MARCHF3: variants seen among roughly 807,000 people sequenced by gnomAD.
MARCHF3 encodes E3 ubiquitin-protein ligase MARCHF3.
Under a neutral mutation model 24.2 loss-of-function variants are expected in MARCHF3, and 13 were observed. The ratio of observed to expected loss-of-function variants is 0.54; its 90% confidence interval spans 0.35 to 0.85. The LOEUF (loss-of-function observed/expected upper bound fraction) is 0.85. Among genes scored for constraint, MARCHF3 ranks in the 40% least tolerant of loss-of-function variants. The pLI is 0.01. For missense variants in MARCHF3, 276 were observed against 325.0 expected, an observed-to-expected ratio of 0.85 and a Z score of 1.16; for synonymous variants, 144 against 137.3, an observed-to-expected ratio of 1.05 and a Z score of -0.34.
intron 1 of MARCHF3, among the ~76,000 whole-genome samples, chr5:126,969,197 A>G (rs1388688982): frequency 6.6e-6 from 1 of 152,188 alleles, no homozygotes; most frequent in Non-Finnish European, 1.5e-5. Flanking sequence ...TAATTTTAGA[A>G]AGTAAGAGTG....
At chr5:126,951,853 AT>A (rs111789958) in intron 1 of MARCHF3, among the ~76,000 whole-genome samples, 14,183 of 149,186 alleles carry the variant, frequency 0.095, 1,479 homozygotes, top group African/African-American at 0.26. Context: ...GTAGGTGTTT[AT>A]TTTTTTTTTG....
intron 1 of MARCHF3, among the ~76,000 whole-genome samples, chr5:127,012,684 T>C (rs1224455171): frequency 6.6e-6 from 1 of 152,132 alleles, no homozygotes; most frequent in Non-Finnish European, 1.5e-5. Context: ...CACAATAAGA[T>C]TGCAAATACC....
chr5:126,934,402 A>G (rs1271170851), intron 1 of MARCHF3, among the ~76,000 whole-genome samples: 6 of 152,098 alleles, frequency 3.9e-5, no homozygotes, highest in African/African-American at 1.4e-4. Flanking sequence ...TAAGCAGTCC[A>G]GTATTAACTG....
At chr5:126,917,742 C>T (rs1748932545) in intron 2 of MARCHF3, among the ~76,000 whole-genome samples, 2 of 152,164 alleles carry the variant, frequency 1.3e-5, no homozygotes, top group African/African-American at 2.4e-5. Context: ...GTTCCTTCCC[C>T]TCCTGGCTCT....
chr5:126,888,408 A>G (rs185002181), intron 3 of MARCHF3, among the ~76,000 whole-genome samples: 63 of 152,376 alleles, frequency 4.1e-4, no homozygotes, highest in Non-Finnish European at 5.4e-4. Flanking sequence ...AATGCTACAC[A>G]CACTCACACC....
intron 1 of MARCHF3, among the ~76,000 whole-genome samples, chr5:127,004,665 T>A (rs2126853061): frequency 6.6e-6 from 1 of 152,244 alleles, no homozygotes; most frequent in African/African-American, 2.4e-5. Flanking sequence ...TAAATGCACA[T>A]AAACTCAAAG....
At chr5:126,945,390 C>T (rs1749975885) in intron 1 of MARCHF3, among the ~76,000 whole-genome samples, 1 of 152,226 alleles carries the variant, frequency 6.6e-6, no homozygotes, top group African/African-American at 2.4e-5. Context: ...TAGGGAGGCA[C>T]TTGCCACAGT....
intron 3 of MARCHF3, chr5:126,898,816 C>G: frequency 1.0e-6 from 1 of 974,696 alleles, no homozygotes; most frequent in Non-Finnish European, 1.2e-6. Context: ...TTCCAACTTT[C>G]TATTTATAAT....
intron 1 of MARCHF3, among the ~76,000 whole-genome samples, chr5:126,998,483 T>C (rs564376755): frequency 2.0e-5 from 3 of 151,832 alleles, no homozygotes; most frequent in Non-Finnish European, 4.4e-5. Context: ...GCTTGTTCCT[T>C]GACTTGGCTC....
Position 126,956,664 on chromosome 5 carries a change from A to C in MARCHF3, c.-56-38437T>G, listed in dbSNP as rs866127743. ...TGTCTCCAAAAAAAAAAAAAAAAAA[A>C]AAAAAAACCAAAAAAACAACAACAA... is the stretch of plus-strand genomic sequence containing the variant. On this transcript the variant is annotated intron_variant, in intron 1 of 4. Coordinates refer to ENST00000308660, the MANE Select transcript of MARCHF3 (RefSeq NM_178450.5). 7.5e-3 allele frequency among the ~76,000 whole-genome samples: 1,081 copies of C among 143,512 alleles called. 22 individuals are homozygous for C. The highest frequency in any genetic ancestry group is 0.028 in the East Asian group (120 of 4,286). The allele number at this position is 143,512 out of a possible 152,430, so 94.1% of individuals were successfully genotyped here.
At chr5:127,003,113 T>C (rs1323954309) in intron 1 of MARCHF3, among the ~76,000 whole-genome samples, 1 of 149,952 alleles carries the variant, frequency 6.7e-6, no homozygotes, top group Non-Finnish European at 1.5e-5. Flanking sequence ...GAACTGACAG[T>C]TGAAAGAAAG....
At chr5:126,952,475 T>C (rs1750279594) in intron 1 of MARCHF3, among the ~76,000 whole-genome samples, 1 of 152,346 alleles carries the variant, frequency 6.6e-6, no homozygotes, top group East Asian at 1.9e-4. Flanking sequence ...TTCTTGATTT[T>C]AGTTCTTCTG....
At chr5:126,903,377 A>G (rs922540881) in intron 3 of MARCHF3, among the ~76,000 whole-genome samples, 3 of 152,092 alleles carry the variant, frequency 2.0e-5, no homozygotes, top group African/African-American at 7.2e-5. Context: ...ACATGCTATG[A>G]TACTAGTCCA....
chr5:127,016,519 T>G (rs1388732395), intron 1 of MARCHF3, among the ~76,000 whole-genome samples: 1 of 152,232 alleles, frequency 6.6e-6, no homozygotes, highest in Non-Finnish European at 1.5e-5. Context: ...ATGTTCATCA[T>G]CACTGGTCAT....
intron 3 of MARCHF3, 46 bp downstream of exon 3, chr5:126,914,884 T>C (rs756979204): frequency 6.3e-7 from 1 of 1,594,798 alleles, no homozygotes; most frequent in Non-Finnish European, 8.6e-7. Context: ...ACAGACATCA[T>C]TTGCTCATTA....
chr5:126,974,052 C>G (rs1034735122), intron 1 of MARCHF3, among the ~76,000 whole-genome samples: 1 of 151,538 alleles, frequency 6.6e-6, no homozygotes, highest in South Asian at 2.1e-4. Context: ...CGCCCGCCAC[C>G]GCGCCCGGCT....
intron 4 of MARCHF3, among the ~76,000 whole-genome samples, chr5:126,873,075 C>A (rs79883891): frequency 1.3e-3 from 193 of 152,214 alleles, no homozygotes; most frequent in Middle Eastern, 3.4e-3. Context: ...AATCAAGAGT[C>A]CCCTTTTCCA....
intron 3 of MARCHF3, among the ~76,000 whole-genome samples, chr5:126,892,547 C>T (rs917899420): frequency 4.7e-5 from 7 of 149,076 alleles, no homozygotes; most frequent in Non-Finnish European, 7.4e-5. Flanking sequence ...TTGAGATACT[C>T]ATGTGGTTTT....
intron 1 of MARCHF3, among the ~76,000 whole-genome samples, chr5:127,029,755 A>G (rs1156362141): frequency 6.6e-6 from 1 of 152,244 alleles, no homozygotes; most frequent in Non-Finnish European, 1.5e-5. Flanking sequence ...GTGGATGTGG[A>G]GGTCCGAGCA....
Sources: gnomAD v4.1 joint callset for allele counts (sites outside exome capture counted in the v4.1 genomes callset) on GRCh38, gnomAD v4.1.1 for gene constraint, MANE v1.5 for transcripts, NCBI Gene and HGNC (gene_info 2026-07-23, HGNC 2026-07-21) for gene names.